CDH13: variants seen among roughly 807,000 people sequenced by gnomAD.
CDH13 encodes the protein cadherin 13.
Under a neutral mutation model 63.8 loss-of-function variants are expected in CDH13, and 24 were observed. The ratio of observed to expected loss-of-function variants is 0.38; its 90% CI spans 0.27 to 0.53. The LOEUF (loss-of-function observed/expected upper bound fraction) is 0.53, where lower values mean the gene tolerates loss of function less well. Ranked by LOEUF, CDH13 falls within the 20% of genes least tolerant of loss-of-function variation. CDH13 has a pLI of 0.85. For missense variants in CDH13, 1,049 were observed against 903.1 expected (o/e 1.16, Z -2.07); for synonymous variants, 503 against 355.3 (o/e 1.42, Z -4.67).
At chr16:82,782,507 G>A (rs912529470) in intron 1 of CDH13, among the ~76,000 whole-genome samples, 10 of 150,624 alleles carry the variant, frequency 6.6e-5, no homozygotes, top group Admixed American at 2.0e-4. Context: ...AGCCAAGATC[G>A]TACCACTGCA....
intron 1 of CDH13, among the ~76,000 whole-genome samples, chr16:82,827,485 G>A (rs558797085): frequency 1.5e-4 from 23 of 152,166 alleles, no homozygotes; most frequent in Admixed American, 1.3e-3. Flanking sequence ...AGGCAGTGAT[G>A]ATGTGAGTCT....
intron 5 of CDH13, among the ~76,000 whole-genome samples, chr16:83,270,196 G>C (rs373518740): frequency 5.3e-5 from 8 of 152,108 alleles, no homozygotes; most frequent in African/African-American, 1.9e-4. Context: ...CAAAAAGGGG[G>C]CAGCTTGTAA....
chr16:82,993,890 G>C (rs556227251), intron 2 of CDH13, among the ~76,000 whole-genome samples: 3 of 152,302 alleles, frequency 2.0e-5, no homozygotes, highest in African/African-American at 7.2e-5. Flanking sequence ...TTGGTGCACA[G>C]AGAGGGGGCT....
intron 3 of CDH13, among the ~76,000 whole-genome samples, chr16:83,088,648 C>T (rs1266248531): frequency 2.6e-5 from 4 of 152,184 alleles, no homozygotes; most frequent in Non-Finnish European, 4.4e-5. Flanking sequence ...TTACATTCTT[C>T]ATATAATCAG....
intron 1 of CDH13, among the ~76,000 whole-genome samples, chr16:82,805,651 A>G (rs887417434): frequency 8.5e-5 from 13 of 152,260 alleles, no homozygotes; most frequent in Middle Eastern, 6.8e-3. Context: ...CTTTGTAAAA[A>G]TCTACTTTGG....
At chr16:83,679,080 T>C (rs1915193509) in intron 10 of CDH13, among the ~76,000 whole-genome samples, 1 of 133,644 alleles carries the variant, frequency 7.5e-6, no homozygotes, top group Non-Finnish European at 1.6e-5. Context: ...TTCTGCCTGA[T>C]GAGGGGCAGG....
chr16:83,296,861 C>G (rs893379762), intron 5 of CDH13, among the ~76,000 whole-genome samples: 1 of 152,156 alleles, frequency 6.6e-6, no homozygotes, highest in Admixed American at 6.5e-5. Flanking sequence ...AGAAAGGGTG[C>G]TCTGTGTTTC....
intron 10 of CDH13, among the ~76,000 whole-genome samples, chr16:83,688,959 G>A (rs1418316666): frequency 6.6e-6 from 1 of 152,154 alleles, no homozygotes; most frequent in Non-Finnish European, 1.5e-5. Context: ...TAATGATCCA[G>A]AGACTGAAGA....
chr16:82,882,349 C>T (rs2151206233), intron 2 of CDH13, among the ~76,000 whole-genome samples: 1 of 152,308 alleles, frequency 6.6e-6, no homozygotes, highest in African/African-American at 2.4e-5. Flanking sequence ...CATGAAGAGT[C>T]ACTCACTTCC....
intron 1 of CDH13, among the ~76,000 whole-genome samples, chr16:82,733,694 G>C (rs1057028113): frequency 6.6e-6 from 1 of 152,100 alleles, no homozygotes; most frequent in Non-Finnish European, 1.5e-5. Flanking sequence ...ATCTCCAGGG[G>C]GTCTTTTAGT....
chr16:83,138,021 G>T (rs563917133), intron 4 of CDH13, among the ~76,000 whole-genome samples: 1 of 152,210 alleles, frequency 6.6e-6, no homozygotes, highest in South Asian at 2.1e-4. Context: ...GGGTATCTGC[G>T]CTTGGCCCAC....
intron 7 of CDH13, among the ~76,000 whole-genome samples, chr16:83,537,756 C>G (rs544245782): frequency 1.3e-5 from 2 of 152,304 alleles, no homozygotes; most frequent in African/African-American, 4.8e-5. Flanking sequence ...GAGAATATCA[C>G]ATTTTAGCCC....
intron 2 of CDH13, among the ~76,000 whole-genome samples, chr16:82,886,647 T>C (rs1339243673): frequency 6.6e-6 from 1 of 152,074 alleles, no homozygotes; most frequent in Non-Finnish European, 1.5e-5. Flanking sequence ...GTTTTGGAAT[T>C]TACTCTTTTC....
At chr16:82,627,457 G>C (rs547716799) in intron 1 of CDH13, among the ~76,000 whole-genome samples, 1 of 152,094 alleles carries the variant, frequency 6.6e-6, no homozygotes, top group South Asian at 2.1e-4. Flanking sequence ...CCCACATCAA[G>C]TGGGGTAACT....
At position 83,796,543 on chromosome 16, in the gene CDH13, T is replaced by A. The variant is rs902938598; in HGVS notation, c.*1513T>A. On this transcript the variant is annotated 3_prime_UTR_variant, in exon 14 of 14. Coordinates refer to ENST00000567109, the MANE Select transcript of CDH13 (RefSeq NM_001257.5). ...CAATGGTAAATCCTTTTGGAACATA[T>A]AGAATGCAGAGATTTTTTTTTCCAT... 5 of 152,244 alleles carry A rather than the reference T, an allele frequency of 3.3e-5. No individual in the cohort carries two copies. The East Asian group carries it at 7.7e-4, about 23-fold the overall frequency. The allele number at this position is 152,244 out of a possible 1,614,324, so 9.4% of individuals were successfully genotyped here. A position where few individuals can be genotyped will look rare whatever the true frequency, so the allele number is the denominator to read the frequency against.
rs970319477 is a variant in CDH13, at chr16:82,860,394, G to T, written c.157+1921G>T. Among the ~76,000 whole-genome samples, 54 of 131,092 alleles carry T rather than the reference G, an allele frequency of 4.1e-4. 5 individuals carry two copies. The South Asian group carries it at 0.012, about 29-fold the overall frequency. 86.0% of individuals were successfully genotyped at this position (131,092 alleles called of 152,430 possible). On this transcript the variant is annotated intron_variant, in intron 2 of 13. Coordinates refer to ENST00000567109, the MANE Select transcript of CDH13 (RefSeq NM_001257.5). ...ACAGTTGTGTGTGTGTGTGTGGGGG[G>T]GGGGGCGGCGGTGTGCGTGTGTGCT...
chr16:83,313,335 A>G (rs1189331834), intron 5 of CDH13, among the ~76,000 whole-genome samples: 1 of 152,208 alleles, frequency 6.6e-6, no homozygotes, highest in Non-Finnish European at 1.5e-5. Context: ...CTGCAAATGT[A>G]GATATTGATA....
rs150308010 is a variant in CDH13 at position 83,147,810 on chromosome 16, C to G, written c.483+22309C>G. Among the ~76,000 whole-genome samples the G allele has an allele frequency of 4.4e-3, 670 of 152,276 alleles. 6 individuals are homozygous for G. The highest frequency in any genetic ancestry group is 0.016 in the African/African-American group (645 of 41,564). ...GGGGTCACAGGGGGCAAAGACCTCA[C>G]CTCACTCATCTTGGTCTCTGGCTCT... On this transcript the variant is annotated intron_variant, in intron 4 of 13. Coordinates refer to ENST00000567109, the MANE Select transcript of CDH13 (RefSeq NM_001257.5).
At chr16:83,093,728 G>A (rs971918021) in intron 3 of CDH13, among the ~76,000 whole-genome samples, 4 of 152,164 alleles carry the variant, frequency 2.6e-5, no homozygotes, top group East Asian at 1.9e-4. Context: ...CTAGGCGCTT[G>A]TACCTCCACT....
Sources: gnomAD v4.1 joint callset for allele counts (sites outside exome capture counted in the v4.1 genomes callset) on GRCh38, gnomAD v4.1.1 for gene constraint, MANE v1.5 for transcripts, NCBI Gene and HGNC (gene_info 2026-07-23, HGNC 2026-07-21) for gene names.